The following POLN variants were observed in gnomAD, a reference collection of about 807,000 sequenced individuals.
The protein encoded by POLN is DNA polymerase nu, also known as DNA polymerase N.
POLN carries 108 observed loss-of-function variants against 113.5 expected under a neutral mutation model. The ratio of observed to expected loss-of-function variants is 0.95; its 90% CI spans 0.81 to 1.12. The LOEUF is 1.12. Among genes scored for constraint, POLN ranks in the 50% most tolerant of loss-of-function variants. The probability of loss-of-function intolerance (pLI) is 0.00; values close to 1 mark genes in which losing one functional copy is unlikely to be tolerated. For missense variants in POLN, 1,097 were observed against 1,077.1 expected (o/e 1.02, Z -0.26); for synonymous variants, 386 against 391.5 (o/e 0.99, Z 0.17).
chr4:2,085,405 A>G (rs888257973), intron 21 of POLN, among the ~76,000 whole-genome samples: 3 of 151,842 alleles, frequency 2.0e-5, no homozygotes, highest in Non-Finnish European at 4.4e-5. Context: ...AAGTTTGTTC[A>G]CTGTGTTGCT....
At chr4:2,154,235 G>A (rs1313234224) in intron 16 of POLN, among the ~76,000 whole-genome samples, 7 of 133,764 alleles carry the variant, frequency 5.2e-5, no homozygotes, top group Non-Finnish European at 9.5e-5. Flanking sequence ...GACATTTTAA[G>A]TATGGCAAAC....
At chr4:2,229,053 A>T in intron 3 of POLN, 46 bp downstream of exon 3, 1 of 1,521,324 alleles carries the variant, frequency 6.6e-7, no homozygotes, top group Non-Finnish European at 9.0e-7. Flanking sequence ...AGAACAATTA[A>T]CATTCAAAGT....
At chr4:2,152,566 A>G (rs1732322831) in intron 16 of POLN, among the ~76,000 whole-genome samples, 1 of 151,840 alleles carries the variant, frequency 6.6e-6, no homozygotes, top group Non-Finnish European at 1.5e-5. Flanking sequence ...TTTTAAAAAT[A>G]TTAGTCAACT....
chr4:2,162,292 C>T (rs1208373396), intron 13 of POLN, among the ~76,000 whole-genome samples: 1 of 152,108 alleles, frequency 6.6e-6, no homozygotes, highest in Non-Finnish European at 1.5e-5. Flanking sequence ...CAACTCCAGA[C>T]GCGCCGCCTT....
rs189028138 is a variant in POLN, at chr4:2,227,280, T to G, written c.133+1819A>C. Among the ~76,000 whole-genome samples the G allele has an allele frequency of 5.8e-3, 886 of 152,314 alleles. 3 individuals carry two copies. Among genetic ancestry groups the G allele is most frequent in the Non-Finnish European group, 9.0e-3 (614 of 68,024 alleles). On this transcript the variant is annotated intron_variant, in intron 3 of 25. Transcript: ENST00000511885. Reference sequence around the variant, plus strand: ...CCAGCCAGTGAGAAACTGAGACCCTTGGTCTGAAAGTCTACAAGAAACTGA... The same window carrying G: ...CCAGCCAGTGAGAAACTGAGACCCTGGGTCTGAAAGTCTACAAGAAACTGA...
Position 2,213,973 on chromosome 4 carries a change from C to T in POLN, c.134-847G>A, listed in dbSNP as rs528226163. 3.9e-5 allele frequency among the ~76,000 whole-genome samples: 6 copies of T among 152,290 alleles called. 1 individual carries two copies. Among genetic ancestry groups the T allele is most frequent in the African/African-American group, 1.4e-4 (6 of 41,556 alleles). On this transcript the variant is annotated intron_variant, in intron 3 of 25. Coordinates refer to ENST00000511885, the MANE Select transcript of POLN (RefSeq NM_181808.4). ...AGCTTAGGCCGGGCGTGGTGACTCA[C>T]GCCTGTGATCCCAGCACTTTGGGAG...
At chr4:2,110,838 T>C (rs199912763) in intron 19 of POLN, among the ~76,000 whole-genome samples, 1 of 152,204 alleles carries the variant, frequency 6.6e-6, no homozygotes, top group East Asian at 1.9e-4. Context: ...CCATTCCTTC[T>C]GAAACTATTC....
intron 19 of POLN, among the ~76,000 whole-genome samples, chr4:2,100,017 C>T (rs1730884882): frequency 6.8e-6 from 1 of 146,852 alleles, no homozygotes; most frequent in African/African-American, 2.5e-5. Flanking sequence ...CTGCAGTGAG[C>T]TGAGATTGTG....
chr4:2,104,507 G>T (rs2224675), intron 19 of POLN, among the ~76,000 whole-genome samples: 127,947 of 152,194 alleles, frequency 0.84, 54,370 homozygotes, highest in Non-Finnish European at 0.9. Flanking sequence ...AATGGCAATG[G>T]ATGAGGGTTG....
chr4:2,118,390 G>A (rs922517548), intron 19 of POLN, among the ~76,000 whole-genome samples: 6 of 152,230 alleles, frequency 3.9e-5, no homozygotes, highest in South Asian at 2.1e-4. Flanking sequence ...CAACTTTCAG[G>A]AATCTCATTC....
intron 5 of POLN, among the ~76,000 whole-genome samples, chr4:2,205,733 C>A (rs1227880419): frequency 6.6e-6 from 1 of 151,938 alleles, no homozygotes; most frequent in South Asian, 2.1e-4. Flanking sequence ...ATTAGCCGGG[C>A]GTGGTGGCAC....
Position 2,085,761 on chromosome 4 carries a change from C to T in POLN, c.2066-17G>A, listed in dbSNP as rs775882324. On this transcript the variant is annotated splice_polypyrimidine_tract_variant and intron_variant, in intron 20 of 25. Transcript: ENST00000511885. ...GCTCCTTCCCTGTCAGTCAGAGAGA[C>T]GCATGTCAAAGCCTCACTCACACCA... 2.0e-5 allele frequency: 32 copies of T among 1,612,566 alleles called. No homozygotes were observed. The highest frequency in any genetic ancestry group is 2.7e-5 in the African/African-American group (2 of 74,914).
At chr4:2,204,153 G>C (rs55935826) in intron 5 of POLN, among the ~76,000 whole-genome samples, 18,072 of 144,582 alleles carry the variant, frequency 0.12, 1,715 homozygotes, top group East Asian at 0.25. Context: ...GAAACAAAAG[G>C]CTGGTTCTTT....
Position 2,095,870 on chromosome 4 carries a change from G to A in POLN, c.2046C>T (p.Tyr682=), listed in dbSNP as rs138366273. Residue 682 remains tyrosine (Y), a synonymous_variant, in exon 20 of 26, where the codon TAC becomes TAT. Transcript: ENST00000511885. The stretch of plus-strand genomic sequence containing the variant: ...GCCTACCTGCTCCATAGACCACCGC[G>A]TACACCACCTTCTTGGTTTGCTCTC... ...ADREQTKKVV[Y]AVVYGAGKER... 47 of 1,613,998 alleles carry A rather than the reference G, an allele frequency of 2.9e-5. No individual in the cohort carries two copies. In the Admixed American group the frequency reaches 3.2e-4, roughly 11 times the overall value.
At position 2,085,640 on chromosome 4, in the gene POLN, C is replaced by A; in HGVS notation, c.2170G>T (p.Ala724Ser). The A allele has an allele frequency of 6.2e-7, 1 of 1,614,122 alleles. No homozygotes were observed. The highest frequency in any genetic ancestry group is 8.5e-7 in the Non-Finnish European group (1 of 1,180,030). The change falls in exon 21 of 26, where the codon GCA becomes TCA. Residue 724 changes from alanine (A) to serine (S), a missense_variant. Physicochemically the swap from Ala to Ser is moderately conservative, Grantham distance 99. Coordinates refer to ENST00000511885, the MANE Select transcript of POLN (RefSeq NM_181808.4). ...GTCTGGTGACACTGGGCAATAGCTGCTCGGGCGAAGTCCTTGATTTTCTTG... is the reference window on the plus strand; with the variant it reads ...GTCTGGTGACACTGGGCAATAGCTGATCGGGCGAAGTCCTTGATTTTCTTG... ...KYKKIKDFARAAIAQCHQTGC... is the reference protein window; with the variant it reads ...KYKKIKDFARSAIAQCHQTGC...
chr4:2,137,029 C>T (rs753053227), intron 16 of POLN, among the ~76,000 whole-genome samples: 4 of 152,268 alleles, frequency 2.6e-5, no homozygotes, highest in African/African-American at 9.6e-5. Context: ...CGGCACTCTG[C>T]CCTCTGGACA....
intron 20 of POLN, chr4:2,089,764 T>C: frequency 1.4e-6 from 1 of 722,958 alleles, no homozygotes; most frequent in East Asian, 2.7e-5. Context: ...GGACTTTAAA[T>C]CTGGTATTTC....
At chr4:2,165,397 C>A (rs1257771199) in intron 13 of POLN, among the ~76,000 whole-genome samples, 1 of 152,134 alleles carries the variant, frequency 6.6e-6, no homozygotes, top group Non-Finnish European at 1.5e-5. Context: ...CAGTAAAAAG[C>A]ACAGTGGCTG....
Position 2,170,751 on chromosome 4 carries a change from CA to C in POLN, c.1481del (p.Leu494ArgfsTer4). The part of the protein sequence containing the change: ...LREILFGKLK[L>X]HLLSQRNSLP... ...GACTGTTCCTTTGACTCAGCAGGTGCAGCTTTAACTTGCCAAAGAGGATCTT... is the reference window on the plus strand; with the variant it reads ...GACTGTTCCTTTGACTCAGCAGGTGCGCTTTAACTTGCCAAAGAGGATCTT... On this transcript the variant is annotated frameshift_variant, in exon 13 of 26. Transcript: ENST00000511885. LOFTEE classifies it high-confidence loss of function. 1 of 1,614,162 alleles carries C rather than the reference CA, an allele frequency of 6.2e-7. No homozygotes were observed. Among genetic ancestry groups the C allele is most frequent in the Non-Finnish European group, 8.5e-7 (1 of 1,179,998 alleles).
Sources: gnomAD v4.1 joint callset for allele counts (sites outside exome capture counted in the v4.1 genomes callset) on GRCh38, gnomAD v4.1.1 for gene constraint, MANE v1.5 for transcripts, NCBI Gene and HGNC (gene_info 2026-07-23, HGNC 2026-07-21) for gene names.